KCNQ3: variants seen among roughly 807,000 people sequenced by gnomAD.
KCNQ3 encodes potassium voltage-gated channel subfamily KQT member 3.
A neutral mutation model predicts 92.5 loss-of-function variants in KCNQ3; 30 were observed. That is an observed-to-expected ratio of 0.32 (90% CI 0.24 to 0.44). The LOEUF (loss-of-function observed/expected upper bound fraction) is 0.44, where lower values mean the gene tolerates loss of function less well. Ranked by LOEUF, KCNQ3 falls within the 20% of genes least tolerant of loss-of-function variation. KCNQ3 has a pLI of 1.00. For missense variants in KCNQ3, 913 were observed against 1,140.3 expected (o/e 0.80, Z 2.87); for synonymous variants, 450 against 468.8 (o/e 0.96, Z 0.52).
At chr8:132,230,989 C>T (rs1814628342) in intron 1 of KCNQ3, among the ~76,000 whole-genome samples, 1 of 152,182 alleles carries the variant, frequency 6.6e-6, no homozygotes, top group Non-Finnish European at 1.5e-5. Flanking sequence ...TCTGATATGA[C>T]TGGTGTCCTT....
At position 132,480,901 on chromosome 8, in the gene KCNQ3, G is replaced by C. The variant is rs1317446269; in HGVS notation, c.-369C>G. ...GCGGCGGCGGCGGCGGCGGCACCCA[G>C]GCCGGCGAGCCCAAGACAGCATCGC... On this transcript the variant is annotated 5_prime_UTR_variant, in exon 1 of 15. Coordinates refer to ENST00000388996, the MANE Select transcript of KCNQ3 (RefSeq NM_004519.4). 1 of 146,216 alleles carries C rather than the reference G, an allele frequency of 6.8e-6. No individual in the cohort carries two copies. Among genetic ancestry groups the C allele is most frequent in the African/African-American group, 2.5e-5 (1 of 39,528 alleles). 9.1% of individuals were successfully genotyped at this position (146,216 alleles called of 1,614,324 possible).
intron 1 of KCNQ3, among the ~76,000 whole-genome samples, chr8:132,339,784 G>A (rs978470636): frequency 6.6e-6 from 1 of 152,136 alleles, no homozygotes; most frequent in African/African-American, 2.4e-5. Context: ...GTATTAGAAA[G>A]ATTAGCTTCC....
At chr8:132,186,779 A>T (rs1412963486) in intron 1 of KCNQ3, among the ~76,000 whole-genome samples, 2 of 152,184 alleles carry the variant, frequency 1.3e-5, no homozygotes, top group East Asian at 3.9e-4. Flanking sequence ...AGGAACTACC[A>T]CACTGAAGCA....
intron 1 of KCNQ3, among the ~76,000 whole-genome samples, chr8:132,318,575 T>A (rs895812211): frequency 1.3e-5 from 2 of 152,232 alleles, no homozygotes; most frequent in African/African-American, 4.8e-5. Context: ...GGGGATTTCT[T>A]GTGTGTAGTC....
intron 1 of KCNQ3, among the ~76,000 whole-genome samples, chr8:132,189,888 CAA>C (rs776683880): frequency 3.1e-5 from 2 of 64,076 alleles, no homozygotes; most frequent in South Asian, 6.4e-4. Context: ...TAAAAATGAC[CAA>C]AAAAAAAAAA....
At chr8:132,208,455 T>G (rs796396209) in intron 1 of KCNQ3, among the ~76,000 whole-genome samples, 3 of 152,242 alleles carry the variant, frequency 2.0e-5, no homozygotes, top group African/African-American at 7.2e-5. Flanking sequence ...GCTGCTGGTG[T>G]TGTGAGCCAC....
intron 1 of KCNQ3, among the ~76,000 whole-genome samples, chr8:132,317,127 T>C (rs1312633314): frequency 6.6e-6 from 1 of 152,232 alleles, no homozygotes; most frequent in African/African-American, 2.4e-5. Context: ...AAGCAATTGA[T>C]ATGAAATGGT....
At chr8:132,476,623 G>A (rs769069330) in intron 1 of KCNQ3, among the ~76,000 whole-genome samples, 1 of 152,162 alleles carries the variant, frequency 6.6e-6, no homozygotes, top group Non-Finnish European at 1.5e-5. Context: ...CGTTTGCAAT[G>A]GAAACATTTA....
At chr8:132,142,954 G>T (rs1825344850) in intron 9 of KCNQ3, among the ~76,000 whole-genome samples, 1 of 152,152 alleles carries the variant, frequency 6.6e-6, no homozygotes, top group Non-Finnish European at 1.5e-5. Flanking sequence ...CTTCATAGAG[G>T]GTTAGGGAGT....
chr8:132,189,418 A>T (rs17654304), intron 1 of KCNQ3, among the ~76,000 whole-genome samples: 6,161 of 152,338 alleles, frequency 0.04, 188 homozygotes, highest in South Asian at 0.062. Context: ...ACCTGACAAT[A>T]GGACTCCCTT....
At chr8:132,236,685 CTG>C (rs373228381) in intron 1 of KCNQ3, among the ~76,000 whole-genome samples, 93 of 152,286 alleles carry the variant, frequency 6.1e-4, no homozygotes, top group African/African-American at 2.2e-3. Context: ...ACTCCAGTGA[CTG>C]TGTTTCCTTA....
chr8:132,480,980 C>T lies in KCNQ3; in HGVS notation c.-448G>A. On this transcript the variant is annotated 5_prime_UTR_variant, in exon 1 of 15. Coordinates refer to ENST00000388996, the MANE Select transcript of KCNQ3 (RefSeq NM_004519.4). ...CCCTCCCGCCCGCCAGCCACACGCG[C>T]CGCCGCCGCCGCCTCCTCCCTCCTC... The T allele has an allele frequency of 6.4e-6, 1 of 155,048 alleles. No individual in the cohort carries two copies. Among genetic ancestry groups the T allele is most frequent in the Non-Finnish European group, 1.4e-5 (1 of 70,650 alleles). The allele number at this position is 155,048 out of a possible 1,614,324, so 9.6% of individuals were successfully genotyped here.
chr8:132,286,022 A>T (rs531441635), intron 1 of KCNQ3, among the ~76,000 whole-genome samples: 2 of 152,132 alleles, frequency 1.3e-5, no homozygotes, highest in Admixed American at 6.5e-5. Flanking sequence ...AGAATGTAAG[A>T]GTTATGGAAG....
intron 1 of KCNQ3, among the ~76,000 whole-genome samples, chr8:132,342,547 C>A (rs1818563833): frequency 1.3e-5 from 2 of 152,140 alleles, no homozygotes; most frequent in Admixed American, 1.3e-4. Flanking sequence ...TCCAGATTCT[C>A]CCTCTTGTGA....
At chr8:132,182,059 C>A (rs111647130) in intron 3 of KCNQ3, among the ~76,000 whole-genome samples, 5,881 of 146,242 alleles carry the variant, frequency 0.04, 199 homozygotes, top group Non-Finnish European at 0.062. Context: ...AAAAAAAAAA[C>A]CATAAAAAAC....
At chr8:132,182,293 C>T (rs1432421530) in intron 3 of KCNQ3, among the ~76,000 whole-genome samples, 1 of 152,208 alleles carries the variant, frequency 6.6e-6, no homozygotes, top group African/African-American at 2.4e-5. Flanking sequence ...GTCTAAGACG[C>T]TCCATGAGGC....
At chr8:132,455,387 G>A (rs972402798) in intron 1 of KCNQ3, among the ~76,000 whole-genome samples, 7 of 152,024 alleles carry the variant, frequency 4.6e-5, no homozygotes, top group South Asian at 2.1e-4. Flanking sequence ...GATTATAGGC[G>A]TAAGCCACTG....
At chr8:132,195,841 A>G (rs1293571345) in intron 1 of KCNQ3, among the ~76,000 whole-genome samples, 1 of 152,216 alleles carries the variant, frequency 6.6e-6, no homozygotes, top group East Asian at 1.9e-4. Flanking sequence ...CGCAAACAGG[A>G]GCCAAACTAG....
rs558567004 is a variant in KCNQ3 at position 132,175,394 on chromosome 8, CCTCT to C, written c.933+55_933+58del. The C allele has an allele frequency of 9.1e-4, 1,443 of 1,586,032 alleles. 4 individuals carry two copies. The highest frequency in any genetic ancestry group is 2.8e-3 in the Admixed American group (169 of 59,988). ...GAACATGCTCATGTGATGCCCTCCA[CCTCT>C]CTCTGACTCTTGACAGTCAATCTCA... On this transcript the variant is annotated intron_variant, in intron 5 of 14. Transcript: ENST00000388996.
Sources: allele counts gnomAD v4.1 joint callset (sites outside exome capture counted in the v4.1 genomes callset), GRCh38; gene constraint gnomAD v4.1.1; transcripts MANE v1.5; gene names NCBI Gene and HGNC (gene_info 2026-07-23, HGNC 2026-07-21).